COL6A3: variants seen among roughly 807,000 people sequenced by gnomAD.
COL6A3 encodes collagen alpha-3(VI) chain.
COL6A3 carries 137 observed loss-of-function variants against 274.1 expected under a neutral mutation model. That is an observed-to-expected ratio of 0.50 (90% CI 0.44 to 0.58). The LOEUF is 0.58. Ranked by LOEUF, COL6A3 falls within the 20% of genes least tolerant of loss-of-function variation. The probability of loss-of-function intolerance (pLI) is 0.00; values close to 1 mark genes in which losing one functional copy is unlikely to be tolerated. For missense variants in COL6A3, 3,950 were observed against 4,124.9 expected, an observed-to-expected ratio of 0.96 and a Z score of 1.16; for synonymous variants, 1,650 against 1,650.6, an observed-to-expected ratio of 1.00 and a Z score of 0.01.
Position 237,395,126 on chromosome 2 carries a change from A to C in COL6A3, c.170T>G (p.Leu57Arg), listed in dbSNP as rs759937318. ...SWTIGEEHFQ[L>R]VREFLYDVVK... is the part of the protein sequence containing the mutation. ...AACATCATATAGAAACTCTCGAACA[A>C]GTTGGAAATGTTCCTCTCCAATGGT... Residue 57 changes from leucine to arginine, a missense_variant, in exon 3 of 44, where the codon CTT becomes CGT. Physicochemically the swap from Leu to Arg is moderately radical, Grantham distance 102 (BLOSUM62 -2). Around this residue, in one of 5 missense-constraint regions of COL6A3, gnomAD observed 1,934 missense variants for 1,984.3 expected, o/e 0.97. Transcript: ENST00000295550. The C allele has an allele frequency of 1.2e-6, 2 of 1,614,092 alleles. No individual in the cohort carries two copies. The highest frequency in any genetic ancestry group is 2.2e-5 in the East Asian group (1 of 44,892).
chr2:237,390,796 A>T (rs1049449916), intron 3 of COL6A3, among the ~76,000 whole-genome samples: 1 of 152,250 alleles, frequency 6.6e-6, no homozygotes, highest in African/African-American at 2.4e-5. Context: ...CAAATTTTAA[A>T]AATCTTCATC....
chr2:237,353,782 C>T (rs141427339), intron 24 of COL6A3, among the ~76,000 whole-genome samples: 19 of 152,164 alleles, frequency 1.2e-4, no homozygotes, highest in African/African-American at 4.6e-4. Context: ...ATGTTTCCTG[C>T]ACTTGGACCC....
chr2:237,350,237 C>T, intron 27 of COL6A3, 28 bp from the exon 28 acceptor site: 3 of 1,612,588 alleles, frequency 1.9e-6, no homozygotes, highest in Non-Finnish European at 2.5e-6. Context: ...GGCTGAGACC[C>T]TGTGGCCTGG....
At chr2:237,357,479 G>C (rs1380540252) in intron 22 of COL6A3, 88 bp from the exon 23 acceptor site, 3 of 1,253,854 alleles carry the variant, frequency 2.4e-6, no homozygotes, top group Non-Finnish European at 3.5e-6. Context: ...GCAGGGAAAG[G>C]GGTCGATTCA....
In COL6A3 at chr2:237,387,731, T is replaced by C. The variant is rs2078182614; in HGVS notation, c.1163A>G (p.Glu388Gly). The C allele has an allele frequency of 6.2e-7, 1 of 1,614,090 alleles. No individual in the cohort carries two copies. The highest frequency in any genetic ancestry group is 1.1e-5 in the South Asian group (1 of 91,042). Residue 388 changes from glutamate (E) to glycine (G), a missense_variant, in exon 4 of 44, where the codon GAG (glutamate) becomes GGG (glycine). Around this residue, in one of 5 missense-constraint regions of COL6A3, gnomAD observed 1,934 missense variants for 1,984.3 expected, o/e 0.97. Coordinates refer to ENST00000295550, the MANE Select transcript of COL6A3 (RefSeq NM_004369.4). ...GTCATCGGTAGCTATGTGCTGAAGC[T>C]CTGCCCTGGAGGCGGCCTGGGCTCC... Reference protein sequence around the residue: ...GLGAQAASRAELQHIATDDNL... With the variant: ...GLGAQAASRAGLQHIATDDNL...
Position 237,407,409 on chromosome 2 carries a change from C to T in COL6A3, c.-31+6544G>A, listed in dbSNP as rs560637220. Among the ~76,000 whole-genome samples, 1 of 152,312 alleles carries T rather than the reference C, an allele frequency of 6.6e-6. No homozygotes were observed. Among genetic ancestry groups the T allele is most frequent in the South Asian group, 2.1e-4 (1 of 4,828 alleles). On this transcript the variant is annotated intron_variant, in intron 1 of 43. Coordinates refer to ENST00000295550, the MANE Select transcript of COL6A3 (RefSeq NM_004369.4). This position sits in a 1 kb window ranked among gnomAD's most constrained non-coding sequence, Gnocchi z 4.3. ...GGAGTAGCGGATTCGAGATCTTCAACTCTTCCTGGTAAAATCTAACAAAGC... is the reference window on the plus strand; with the variant it reads ...GGAGTAGCGGATTCGAGATCTTCAATTCTTCCTGGTAAAATCTAACAAAGC...
At chr2:237,359,664 T>G (rs1030925795) in intron 17 of COL6A3, among the ~76,000 whole-genome samples, 2 of 152,250 alleles carry the variant, frequency 1.3e-5, no homozygotes, top group African/African-American at 4.8e-5. Flanking sequence ...TTTGTAACTT[T>G]GCAGCCCTTC....
At chr2:237,327,236 A>G (rs946540548) in intron 42 of COL6A3, 1 of 152,206 alleles carries the variant, frequency 6.6e-6, no homozygotes, top group Non-Finnish European at 1.5e-5. Context: ...GCCGGCGTCA[A>G]ATGATCTCCC....
rs371535536 is a variant in COL6A3 at position 237,381,110 on chromosome 2, G to T, written c.1702C>A (p.Pro568Thr). Residue 568 changes from proline (P) to threonine (T), a missense_variant, in exon 5 of 44, where the codon CCT becomes ACT. Coordinates refer to ENST00000295550, the MANE Select transcript of COL6A3 (RefSeq NM_004369.4). ...GGKSLDEISQ[P>T]AQELKRSSIM... ...CTGCTTCTCTTCAGCTCCTGGGCAGGCTGGCTGATTTCATCTAGGGACTTA... is the reference window on the plus strand; with the variant it reads ...CTGCTTCTCTTCAGCTCCTGGGCAGTCTGGCTGATTTCATCTAGGGACTTA... The T allele has an allele frequency of 6.2e-7, 1 of 1,614,228 alleles. No individual in the cohort carries two copies. Among genetic ancestry groups the T allele is most frequent in the Non-Finnish European group, 8.5e-7 (1 of 1,180,042 alleles).
At chr2:237,325,882 C>T (rs1417629364) in intron 42 of COL6A3, 158 bp from the exon 43 acceptor site, 2 of 617,030 alleles carry the variant, frequency 3.2e-6, no homozygotes, top group African/African-American at 1.8e-5. Context: ...ATCTCCATTT[C>T]CTCACTGCCA....
chr2:237,347,097 G>A (rs1205744676), intron 31 of COL6A3, among the ~76,000 whole-genome samples: 1 of 152,044 alleles, frequency 6.6e-6, no homozygotes, highest in Non-Finnish European at 1.5e-5. Context: ...CATTTTAAGA[G>A]GGTGAGTAAA....
intron 2 of COL6A3, among the ~76,000 whole-genome samples, chr2:237,395,826 A>G (rs1239804933): frequency 6.6e-6 from 1 of 152,168 alleles, no homozygotes; most frequent in Non-Finnish European, 1.5e-5. Context: ...GTTACTGCAT[A>G]TTTTTCAGAG....
intron 31 of COL6A3, among the ~76,000 whole-genome samples, chr2:237,347,067 T>A (rs551111533): frequency 6.6e-6 from 1 of 152,124 alleles, no homozygotes; most frequent in African/African-American, 2.4e-5. Context: ...AGGCCACAAT[T>A]TGCTAATTGA....
chr2:237,385,600 C>T (rs1053854768), intron 4 of COL6A3, among the ~76,000 whole-genome samples: 2 of 152,182 alleles, frequency 1.3e-5, no homozygotes, highest in African/African-American at 4.8e-5. Context: ...GTTGCATCGT[C>T]GGTGTCTGCA....
rs1296586205 is a variant in COL6A3, at chr2:237,378,742, A to G, written c.2391T>C (p.Tyr797=). 6.2e-7 allele frequency: 1 copy of G among 1,614,138 alleles called. No individual in the cohort carries two copies. Among genetic ancestry groups the G allele is most frequent in the Admixed American group, 1.7e-5 (1 of 60,028 alleles). Residue 797 remains tyrosine (Y), a synonymous_variant, in exon 6 of 44, where the codon TAT becomes TAC. Transcript: ENST00000295550. ...GCAGGGAGCTGAAATCATCCATGAG[A>G]TACACCAGGCTTGGGTTAAAAGCAA... ...EQIAFNPSLV[Y]LMDDFSSLPA...
chr2:237,331,417 G>A (rs896994759), intron 42 of COL6A3, among the ~76,000 whole-genome samples: 1 of 152,080 alleles, frequency 6.6e-6, no homozygotes, highest in Non-Finnish European at 1.5e-5. Flanking sequence ...TGGTAGGGGT[G>A]GGGAGGATAA....
chr2:237,367,223 A>G lies in COL6A3; in HGVS notation c.4964T>C (p.Phe1655Ser), dbSNP rs747965230. 29 of 1,613,900 alleles carry G rather than the reference A, an allele frequency of 1.8e-5. No individual in the cohort carries two copies. Among genetic ancestry groups the G allele is most frequent in the Non-Finnish European group, 2.3e-5 (27 of 1,179,890 alleles). Residue 1655 changes from phenylalanine to serine, a missense_variant, in exon 11 of 44, where the codon TTC (phenylalanine) becomes TCC (serine). Physicochemically the swap from Phe to Ser is radical, Grantham distance 155. Coordinates refer to ENST00000295550, the MANE Select transcript of COL6A3 (RefSeq NM_004369.4). Reference protein sequence around the residue: ...DGSINFRRDSFQEVLRFVSEI... With the variant: ...DGSINFRRDSSQEVLRFVSEI... ...AGACACAAAACGAAGCACTTCCTGG[A>G]AACTGTCCCTCCTGAAGTTGATGGA...
chr2:237,390,361 TAAC>T (rs1314012126), intron 3 of COL6A3, among the ~76,000 whole-genome samples: 6 of 152,184 alleles, frequency 3.9e-5, no homozygotes, highest in Admixed American at 2.6e-4. Context: ...CATCACTGAA[TAAC>T]AACATTATCC....
chr2:237,401,747 C>T (rs1031472118), intron 1 of COL6A3, among the ~76,000 whole-genome samples: 3 of 151,842 alleles, frequency 2.0e-5, no homozygotes, highest in African/African-American at 4.8e-5. Context: ...TGCAGTGTCA[C>T]GATCACAGCT....
Sources: allele counts gnomAD v4.1 joint callset (sites outside exome capture counted in the v4.1 genomes callset), GRCh38; gene constraint gnomAD v4.1.1; regional missense constraint gnomAD v4.1.1; non-coding constraint Gnocchi (gnomAD v3.1); transcripts MANE v1.5; gene names NCBI Gene and HGNC (gene_info 2026-07-23, HGNC 2026-07-21).